Variants in ADAMTS12 observed in about 807,000 individuals in gnomAD.
ADAMTS12 encodes the protein A disintegrin and metalloproteinase with thrombospondin motifs 12.
A neutral mutation model predicts 167.8 loss-of-function variants in ADAMTS12; 118 were observed. That is an observed-to-expected ratio of 0.70 (90% CI 0.61 to 0.82). The LOEUF is 0.82. Ranked by LOEUF, ADAMTS12 falls within the 40% of genes least tolerant of loss-of-function variation. The pLI, the probability that ADAMTS12 is intolerant of heterozygous loss-of-function variation, is 0.00. For synonymous variants in ADAMTS12, 704 were observed against 716.9 expected (o/e 0.98, Z 0.29); for missense variants, 1,916 against 1,998.8 (o/e 0.96, Z 0.79).
intron 2 of ADAMTS12, among the ~76,000 whole-genome samples, chr5:33,771,838 C>CTTT (rs1282325654): frequency 6.9e-6 from 1 of 144,312 alleles, no homozygotes. Flanking sequence ...TTCTTTCTTT[C>CTTT]TTTTTTTTTT....
intron 2 of ADAMTS12, among the ~76,000 whole-genome samples, chr5:33,838,008 A>G (rs1447464075): frequency 6.6e-6 from 1 of 150,510 alleles, no homozygotes; most frequent in Admixed American, 6.6e-5. Flanking sequence ...AACAGCTCTC[A>G]TATTTTTTTT....
rs1739883864 is a variant in ADAMTS12 at position 33,630,767 on chromosome 5, A to G, written c.2022+13T>C. On this transcript the variant is annotated intron_variant, in intron 13 of 23. Coordinates refer to ENST00000504830, the MANE Select transcript of ADAMTS12 (RefSeq NM_030955.4). ...TTTTATAAAGTTGTAGATTAAGGAA[A>G]CATACCCAATACCTTACATATGCCA... The G allele has an allele frequency of 1.9e-6, 3 of 1,603,626 alleles. No homozygotes were observed. Among genetic ancestry groups the G allele is most frequent in the Non-Finnish European group, 2.6e-6 (3 of 1,171,920 alleles).
intron 18 of ADAMTS12, among the ~76,000 whole-genome samples, chr5:33,587,764 T>C (rs1747428934): frequency 6.6e-6 from 1 of 152,240 alleles, no homozygotes; most frequent in South Asian, 2.1e-4. Context: ...CATGGAAGCA[T>C]ACGGCTTCTC....
rs191718961 is a variant in ADAMTS12, at chr5:33,552,250, A to G, written c.4126-2867T>C. ...CAGGCTGAACTTCTACAGAGTATTC[A>G]GAGAAGTATAGCACAACTAACAAAC... is the stretch of plus-strand genomic sequence containing the variant. On this transcript the variant is annotated intron_variant, in intron 20 of 23. Transcript: ENST00000504830. Among the ~76,000 whole-genome samples the G allele has an allele frequency of 2.7e-4, 41 of 152,362 alleles. 2 individuals are homozygous for G. The highest frequency in any genetic ancestry group is 2.5e-3 in the Admixed American group (39 of 15,306).
At chr5:33,573,505 C>A (rs556024358) in intron 19 of ADAMTS12, among the ~76,000 whole-genome samples, 3 of 152,188 alleles carry the variant, frequency 2.0e-5, no homozygotes, top group Non-Finnish European at 4.4e-5. Context: ...AAAGGATTCC[C>A]TATTTAATAA....
chr5:33,592,769 A>T (rs1438479624), intron 17 of ADAMTS12, among the ~76,000 whole-genome samples: 2 of 152,210 alleles, frequency 1.3e-5, no homozygotes, highest in African/African-American at 4.8e-5. Flanking sequence ...ATATTACTGA[A>T]GAAAAATGAT....
At chr5:33,867,724 AATT>A (rs1749878934) in intron 2 of ADAMTS12, among the ~76,000 whole-genome samples, 1 of 152,166 alleles carries the variant, frequency 6.6e-6, no homozygotes, top group African/African-American at 2.4e-5. Context: ...CACAAGTTAA[AATT>A]ATTAATTGTG....
Position 33,576,020 on chromosome 5 carries a change from T to G in ADAMTS12, c.3972+34A>C, listed in dbSNP as rs181202879. On this transcript the variant is annotated intron_variant, in intron 19 of 23. Transcript: ENST00000504830. ...ATTTAACACTCCTAGCTTTTTTCCA[T>G]GTAAAACCAGGCCAGGGGTAGGAAA... 8 of 1,569,920 alleles carry G rather than the reference T, an allele frequency of 5.1e-6. No homozygotes were observed. The Admixed American group carries it at 1.5e-4, about 30-fold the overall frequency.
chr5:33,612,023 A>G (rs1738751272), intron 16 of ADAMTS12, among the ~76,000 whole-genome samples: 1 of 152,214 alleles, frequency 6.6e-6, no homozygotes, highest in Non-Finnish European at 1.5e-5. Flanking sequence ...AAAATCCATC[A>G]CTGAATGATT....
Position 33,835,614 on chromosome 5 carries a change from G to T in ADAMTS12, c.489+45505C>A, listed in dbSNP as rs552458712. On this transcript the variant is annotated intron_variant, in intron 2 of 23. Coordinates refer to ENST00000504830, the MANE Select transcript of ADAMTS12 (RefSeq NM_030955.4). The stretch of plus-strand genomic sequence containing the variant: ...ATGGAAGAACTAACTAGCTCGCTGC[G>T]GCCTCTTTTATAAAGGCACTAATCC... Among the ~76,000 whole-genome samples the T allele has an allele frequency of 3.9e-5, 6 of 152,140 alleles. No individual in the cohort carries two copies. In the East Asian group the frequency reaches 7.7e-4, roughly 20 times the overall value.
chr5:33,758,519 T>G (rs1158609090), intron 2 of ADAMTS12, among the ~76,000 whole-genome samples: 1 of 152,176 alleles, frequency 6.6e-6, no homozygotes, highest in East Asian at 1.9e-4. Flanking sequence ...TGGGCTTGTC[T>G]GAGGGCTGGA....
At chr5:33,628,213 G>A (rs1372154148) in intron 13 of ADAMTS12, among the ~76,000 whole-genome samples, 1 of 152,118 alleles carries the variant, frequency 6.6e-6, no homozygotes, top group African/African-American at 2.4e-5. Context: ...TGGTTACCAG[G>A]AGAAAGAGGG....
chr5:33,637,462 G>A, intron 12 of ADAMTS12, 115 bp downstream of exon 12: 1 of 1,084,426 alleles, frequency 9.2e-7, no homozygotes, highest in Non-Finnish European at 1.3e-6. Flanking sequence ...CAAAATTCCT[G>A]GTGTACAATT....
chr5:33,671,049 C>T (rs1192389580), intron 5 of ADAMTS12, among the ~76,000 whole-genome samples: 1 of 13,202 alleles, frequency 7.6e-5, no homozygotes, highest in Non-Finnish European at 4.0e-3. Flanking sequence ...TGAAAAAAAT[C>T]CAGTCTCAAG....
chr5:33,531,845 C>T (rs1744115610), intron 23 of ADAMTS12, among the ~76,000 whole-genome samples: 1 of 152,116 alleles, frequency 6.6e-6, no homozygotes, highest in Non-Finnish European at 1.5e-5. Context: ...TGGGGCCCCA[C>T]TTTTTGAGAG....
intron 5 of ADAMTS12, among the ~76,000 whole-genome samples, chr5:33,670,040 G>A (rs190669304): frequency 1.3e-5 from 2 of 152,030 alleles, no homozygotes; most frequent in African/African-American, 4.8e-5. Context: ...TTTGCTTTGA[G>A]AGAAACCTTA....
At chr5:33,747,961 A>G (rs1744849066) in intron 3 of ADAMTS12, among the ~76,000 whole-genome samples, 1 of 152,204 alleles carries the variant, frequency 6.6e-6, no homozygotes, top group Non-Finnish European at 1.5e-5. Flanking sequence ...TACCTAATGG[A>G]TATTTGTTGA....
intron 3 of ADAMTS12, among the ~76,000 whole-genome samples, chr5:33,733,312 GA>G (rs1410276585): frequency 6.6e-6 from 1 of 152,024 alleles, no homozygotes; most frequent in African/African-American, 2.4e-5. Flanking sequence ...CCAGTTGTAG[GA>G]AAAAAGTCCT....
chr5:33,741,716 C>T lies in ADAMTS12; in HGVS notation c.634+9688G>A, dbSNP rs189705449. ...GATCTCAGCTCACTGCAACCTCCGC[C>T]TCCCGGGTTCAAGCGATTCTCCTGC... On this transcript the variant is annotated intron_variant, in intron 3 of 23. Transcript: ENST00000504830. Among the ~76,000 whole-genome samples the T allele has an allele frequency of 9.9e-3, 1,513 of 152,276 alleles. 23 individuals are homozygous for T. Among genetic ancestry groups the T allele is most frequent in the African/African-American group, 0.034 (1,399 of 41,560 alleles).
Sources: allele counts gnomAD v4.1 joint callset (sites outside exome capture counted in the v4.1 genomes callset), GRCh38; gene constraint gnomAD v4.1.1; transcripts MANE v1.5; gene names NCBI Gene and HGNC (gene_info 2026-07-23, HGNC 2026-07-21).